MAP7D1: variants seen among roughly 807,000 people sequenced by gnomAD.
MAP7D1 encodes the protein MAP7 domain-containing protein 1.
MAP7D1 carries 30 observed loss-of-function variants against 97.5 expected under a neutral mutation model. The observed-to-expected ratio is 0.31, with a 90% CI of 0.23 to 0.42. The LOEUF is 0.42. Ranked by LOEUF, MAP7D1 falls within the 10% of genes least tolerant of loss-of-function variation. The pLI is 1.00. For synonymous variants in MAP7D1, 536 were observed against 477.1 expected, an observed-to-expected ratio of 1.12 and a Z score of -1.61; for missense variants, 1,184 against 1,179.5, an observed-to-expected ratio of 1.00 and a Z score of -0.06.
chr1:36,178,747 C>T lies in MAP7D1; in HGVS notation c.1949C>T (p.Ala650Val), dbSNP rs1209400430. 1.9e-6 allele frequency: 3 copies of T among 1,544,726 alleles called. No individual in the cohort carries two copies. Among genetic ancestry groups the T allele is most frequent in the South Asian group, 2.4e-5 (2 of 83,586 alleles). Residue 650 changes from alanine to valine, a missense_variant, in exon 11 of 17, where the codon GCC becomes GTC. Ala to Val is a moderately conservative substitution (Grantham distance 64). Coordinates refer to ENST00000474796, the MANE Select transcript of MAP7D1 (RefSeq NM_001388490.1). ...AEARAEREAE[A>V]RRREEQEARE... The stretch of plus-strand genomic sequence containing the variant: ...GCCCGGGCGGAGCGGGAGGCGGAGG[C>T]CCGGAGGCGGGAGGAGCAGGAGGCA...
In MAP7D1 at chr1:36,170,980, C is replaced by A; in HGVS notation, c.56C>A (p.Ala19Asp). 7.0e-7 allele frequency: 1 copy of A among 1,428,420 alleles called. No individual in the cohort carries two copies. Among genetic ancestry groups the A allele is most frequent in the Non-Finnish European group, 9.7e-7 (1 of 1,026,164 alleles). The allele number at this position is 1,428,420 out of a possible 1,614,324, so 88.5% of individuals were successfully genotyped here. ...LGAGAPPAVVARTPPEPRPSP... is the reference protein window; with the variant it reads ...LGAGAPPAVVDRTPPEPRPSP... Reference sequence around the variant, plus strand: ...TGTGTTGGTCTTTCAGCTGTGGTCGCCAGGACCCCCCCAGAGCCAAGACCT... The same window carrying A: ...TGTGTTGGTCTTTCAGCTGTGGTCGACAGGACCCCCCCAGAGCCAAGACCT... Residue 19 changes from alanine (A) to aspartate (D), a missense_variant, in exon 2 of 17, where the codon GCC becomes GAC. Physicochemically the swap from Ala to Asp is moderately radical, Grantham distance 126 (BLOSUM62 -2). Transcript: ENST00000474796.
At chr1:36,160,948 T>C (rs1034269821) in intron 1 of MAP7D1, among the ~76,000 whole-genome samples, 17 of 152,258 alleles carry the variant, frequency 1.1e-4, no homozygotes, top group African/African-American at 4.1e-4. Flanking sequence ...GTTGGGCCTC[T>C]GCCTTCAGCA....
chr1:36,165,805 A>T (rs888720999), intron 1 of MAP7D1, among the ~76,000 whole-genome samples: 3 of 143,220 alleles, frequency 2.1e-5, no homozygotes, highest in African/African-American at 7.9e-5. Context: ...ATCTTGGCTC[A>T]CCGCATCCTC....
At chr1:36,170,691 T>C (rs191670883) in intron 1 of MAP7D1, among the ~76,000 whole-genome samples, 90 of 152,330 alleles carry the variant, frequency 5.9e-4, no homozygotes, top group African/African-American at 2.1e-3. Context: ...ATAGGTTAAC[T>C]ATCTCTGCTT....
rs139962282 is a variant in MAP7D1, at chr1:36,175,220, AACAGAG to A, written c.850+216_850+221del. Among the ~76,000 whole-genome samples, 506 of 152,278 alleles carry A rather than the reference AACAGAG, an allele frequency of 3.3e-3. 2 individuals are homozygous for A. The highest frequency in any genetic ancestry group is 0.012 in the African/African-American group (478 of 41,556). On this transcript the variant is annotated intron_variant, in intron 6 of 16. Coordinates refer to ENST00000474796, the MANE Select transcript of MAP7D1 (RefSeq NM_001388490.1). ...CAGAGGTTGCCCTGTAGGAGAGGAG[AACAGAG>A]ACAAAGCACAATGCCGCAGAGGGCA...
intron 12 of MAP7D1, 73 bp from the exon 13 acceptor site, chr1:36,179,187 GGC>G: frequency 6.4e-7 from 1 of 1,567,330 alleles, no homozygotes; most frequent in Admixed American, 1.7e-5. Flanking sequence ...AAGACTCCGA[GGC>G]CGGGTCTGGC....
In MAP7D1 at chr1:36,173,358, C is replaced by T. The variant is rs369174582; in HGVS notation, c.625-6C>T. Reference sequence around the variant, plus strand: ...ACATCTCTCTCTTCTCCCCACCTTCCCCCAGGAGCGCTATGAAGCAGCCAT... The same window carrying T: ...ACATCTCTCTCTTCTCCCCACCTTCTCCCAGGAGCGCTATGAAGCAGCCAT... On this transcript the variant is annotated splice_region_variant and splice_polypyrimidine_tract_variant and intron_variant, in intron 4 of 16. Coordinates refer to ENST00000474796, the MANE Select transcript of MAP7D1 (RefSeq NM_001388490.1). 757 of 1,609,356 alleles carry T rather than the reference C, an allele frequency of 4.7e-4. 1 individual carries two copies. Among genetic ancestry groups the T allele is most frequent in the Non-Finnish European group, 6.2e-4 (734 of 1,177,146 alleles).
At chr1:36,162,901 T>C (rs745425830) in intron 1 of MAP7D1, among the ~76,000 whole-genome samples, 1 of 152,146 alleles carries the variant, frequency 6.6e-6, no homozygotes, top group Non-Finnish European at 1.5e-5. Flanking sequence ...AGGTCCTGTA[T>C]AAGACTCTGG....
At position 36,176,820 on chromosome 1, in the gene MAP7D1, G is replaced by A. The variant is rs778596898; in HGVS notation, c.1357G>A (p.Ala453Thr). The change falls in exon 8 of 17, where the codon GCC becomes ACC. Residue 453 changes from alanine to threonine, a missense_variant. Ala to Thr is a moderately conservative substitution (Grantham distance 58). Transcript: ENST00000474796. This position sits in a 1 kb window ranked among gnomAD's most constrained non-coding sequence, Gnocchi z 6.1. ...CGCCTCCCCACGTGCCCGCCTCTCT[G>A]CCAGCACCGCCTCTGAGCTCAGGTG... ...LPASPRARLSASTASELSPKS... is the reference protein window; with the variant it reads ...LPASPRARLSTSTASELSPKS... The A allele has an allele frequency of 1.9e-6, 3 of 1,596,692 alleles. No homozygotes were observed. The East Asian group carries it at 6.8e-5, about 36-fold the overall frequency.
intron 3 of MAP7D1, 24 bp from the exon 4 acceptor site, chr1:36,172,440 G>A (rs372165800): frequency 9.2e-6 from 14 of 1,522,140 alleles, no homozygotes; most frequent in African/African-American, 5.5e-5. Context: ...CTTCACACAC[G>A]CCACTGGGCT....
At chr1:36,173,774 T>A (rs1331860071) in intron 5 of MAP7D1, among the ~76,000 whole-genome samples, 1 of 152,224 alleles carries the variant, frequency 6.6e-6, no homozygotes, top group Non-Finnish European at 1.5e-5. Context: ...TAAAAGACTT[T>A]AATGACCTAC....
At chr1:36,167,459 TG>T (rs1482331092) in intron 1 of MAP7D1, among the ~76,000 whole-genome samples, 6 of 151,972 alleles carry the variant, frequency 3.9e-5, no homozygotes, top group Non-Finnish European at 7.4e-5. Flanking sequence ...TGCAGAGCAG[TG>T]GGGGTAAGGC....
intron 14 of MAP7D1, 46 bp from the exon 15 acceptor site, chr1:36,179,620 C>T: frequency 3.9e-6 from 6 of 1,549,762 alleles, no homozygotes; most frequent in South Asian, 3.6e-5. Context: ...CCATCCTCAC[C>T]TCTCTTGCCA....
At position 36,172,511 on chromosome 1, in the gene MAP7D1, C is replaced by T. The variant is rs12403220; in HGVS notation, c.508C>T (p.Leu170=). The T allele has an allele frequency of 1.2e-4, 185 of 1,602,260 alleles. No individual in the cohort carries two copies. Among genetic ancestry groups the T allele is most frequent in the Non-Finnish European group, 1.5e-4 (181 of 1,171,784 alleles). ...WLEKEEKAKA[L]REKQLQERRR... is the part of the protein sequence containing the mutation. ...GGAGAAGGAGGAGAAGGCCAAGGCG[C>T]TGCGGGAGAAGCAGCTCCAGGAGCG... The change falls in exon 4 of 17, where the codon CTG becomes TTG. Residue 170 remains leucine (L), a synonymous_variant. Transcript: ENST00000474796.
Position 36,177,977 on chromosome 1 carries a change from CG to C in MAP7D1, c.1485del (p.Ser496ProfsTer79). 6.2e-7 allele frequency: 1 copy of C among 1,607,410 alleles called. No homozygotes were observed. The highest frequency in any genetic ancestry group is 8.5e-7 in the Non-Finnish European group (1 of 1,175,462). The part of the protein sequence containing the change: ...GPGHTLPPKP[P>X]SPRGTTASPK... The stretch of plus-strand genomic sequence containing the variant: ...GGCCACACTCTGCCTCCAAAGCCAC[CG>C]TCCCCCCGAGGCACCACTGCATCCC... On this transcript the variant is annotated frameshift_variant, in exon 9 of 17. Coordinates refer to ENST00000474796, the MANE Select transcript of MAP7D1 (RefSeq NM_001388490.1). LOFTEE classifies it high-confidence loss of function.
rs190385951 is a variant in MAP7D1, at chr1:36,168,753, C to A, written c.47-2218C>A. Among the ~76,000 whole-genome samples the A allele has an allele frequency of 1.2e-4, 18 of 152,226 alleles. No individual in the cohort carries two copies. The East Asian group carries it at 2.3e-3, about 20-fold the overall frequency. ...GATAATTTATTGCGTAACACCTATT[C>A]CCTCATATTGCCTTCAACAAGGCAG... On this transcript the variant is annotated intron_variant, in intron 1 of 16. Coordinates refer to ENST00000474796, the MANE Select transcript of MAP7D1 (RefSeq NM_001388490.1).
chr1:36,179,245 C>T lies in MAP7D1; in HGVS notation c.2131-17C>T. The T allele has an allele frequency of 6.2e-7, 1 of 1,613,652 alleles. No individual in the cohort carries two copies. The highest frequency in any genetic ancestry group is 2.2e-5 in the East Asian group (1 of 44,844). On this transcript the variant is annotated splice_polypyrimidine_tract_variant and intron_variant, in intron 12 of 16. Transcript: ENST00000474796. Reference sequence around the variant, plus strand: ...GGGGCGGGGCTCGAGCCTAACTGATCTGCGGCCTCCAAACAGCGTCTGGAG... The same window carrying T: ...GGGGCGGGGCTCGAGCCTAACTGATTTGCGGCCTCCAAACAGCGTCTGGAG...
Position 36,178,948 on chromosome 1 carries a change from G to C in MAP7D1, c.2053G>C (p.Glu685Gln), listed in dbSNP as rs1644673345. Residue 685 changes from glutamate (E) to glutamine (Q), a missense_variant, in exon 12 of 17, where the codon GAA (glutamate) becomes CAA (glutamine). Coordinates refer to ENST00000474796, the MANE Select transcript of MAP7D1 (RefSeq NM_001388490.1). ...AGAGGAGGCCGAAGCTCGGTCGCGG[G>C]AAGAGGCGGAGCGGCAGCGTCTGGA... ...QKEEAEARSR[E>Q]EAERQRLERE... The C allele has an allele frequency of 1.3e-6, 2 of 1,558,190 alleles. No individual in the cohort carries two copies. Among genetic ancestry groups the C allele is most frequent in the African/African-American group, 2.7e-5 (2 of 73,356 alleles).
Position 36,176,145 on chromosome 1 carries a change from C to T in MAP7D1, c.851-54C>T. On this transcript the variant is annotated intron_variant, in intron 6 of 16. Coordinates refer to ENST00000474796, the MANE Select transcript of MAP7D1 (RefSeq NM_001388490.1). This position sits in a 1 kb window ranked among gnomAD's most constrained non-coding sequence, Gnocchi z 6.1. ...TGCCTGGTCTGCTCCCTTGCCTCTT[C>T]CTGCCTCCTACGGCCCCCACGGTGA... 2 of 1,584,752 alleles carry T rather than the reference C, an allele frequency of 1.3e-6. No individual in the cohort carries two copies. The highest frequency in any genetic ancestry group is 1.7e-6 in the Non-Finnish European group (2 of 1,170,634).
Sources: allele counts gnomAD v4.1 joint callset (sites outside exome capture counted in the v4.1 genomes callset), GRCh38; gene constraint gnomAD v4.1.1; non-coding constraint Gnocchi (gnomAD v3.1); transcripts MANE v1.5; gene names NCBI Gene and HGNC (gene_info 2026-07-23, HGNC 2026-07-21).